WNT5A: variants seen among roughly 807,000 people sequenced by gnomAD.
WNT5A encodes the protein protein Wnt-5a.
In WNT5A, 9 loss-of-function variants were observed where a neutral mutation model predicts 42.1. The ratio of observed to expected loss-of-function variants is 0.21; its 90% CI spans 0.13 to 0.37. The LOEUF is 0.37. WNT5A is among the 10% of genes least tolerant of loss of function. The probability of loss-of-function intolerance (pLI) is 1.00; values close to 1 mark genes in which losing one functional copy is unlikely to be tolerated. For missense variants in WNT5A, 426 were observed against 534.0 expected (o/e 0.80, Z 1.99); for synonymous variants, 210 against 210.0 (o/e 1.00, Z 0.00).
chr3:55,486,947 A>G (rs775651399), intron 1 of WNT5A, 33 bp downstream of exon 1: 5 of 1,595,624 alleles, frequency 3.1e-6, no homozygotes, highest in Non-Finnish European at 4.3e-6. Context: ...GGGGGAAGTA[A>G]AGAAAAAAAG....
Position 55,480,882 on chromosome 3 carries a change from C to A in WNT5A, c.43G>T (p.Gly15Trp), listed in dbSNP as rs867828828. The A allele has an allele frequency of 1.3e-6, 2 of 1,588,124 alleles. No homozygotes were observed. Among genetic ancestry groups the A allele is most frequent in the Non-Finnish European group, 1.7e-6 (2 of 1,166,476 alleles). The change falls in exon 2 of 5, where the codon GGG becomes TGG. Residue 15 changes from glycine to tryptophan, a missense_variant. This residue lies in a region of WNT5A where 62 missense variants were observed against 49.0 expected (regional missense o/e 1.26). Coordinates refer to ENST00000264634, the MANE Select transcript of WNT5A (RefSeq NM_003392.7). ...GAAGACATTGCACTTCCAGCCATCCCCAAAGCAACTCCTGGGCTTAATATT... is the reference window on the plus strand; with the variant it reads ...GAAGACATTGCACTTCCAGCCATCCACAAAGCAACTCCTGGGCTTAATATT... Reference protein sequence around the residue: ...IGILSPGVALGMAGSAMSSKF... With the variant: ...IGILSPGVALWMAGSAMSSKF...
chr3:55,474,934 GGGGGGTA>G (rs971072477), intron 3 of WNT5A, among the ~76,000 whole-genome samples: 12 of 145,272 alleles, frequency 8.3e-5, no homozygotes, highest in African/African-American at 3.1e-4. Flanking sequence ...GTAGGAGATG[GGGGGGTA>G]GGGGGTAGGG....
chr3:55,478,624 A>C (rs2051399334), intron 3 of WNT5A, among the ~76,000 whole-genome samples: 1 of 152,156 alleles, frequency 6.6e-6, no homozygotes, highest in Non-Finnish European at 1.5e-5. Context: ...TGGGGAAGTA[A>C]GACATTCAAC....
At chr3:55,490,402 G>A (rs2051645984), upstream of WNT5A, 1 of 152,226 alleles carries the variant, frequency 6.6e-6, no homozygotes, top group Admixed American at 6.5e-5. Context: ...GTGGTTAAGA[G>A]TGCCAGCTGT....
At chr3:55,474,690 CGGGGGT>C in intron 3 of WNT5A, 61 bp from the exon 4 acceptor site, 1 of 214,204 alleles carries the variant, frequency 4.7e-6, no homozygotes. Context: ...GGGATGCTGC[CGGGGGT>C]GGGGGTGGGG....
Position 55,483,416 on chromosome 3 carries a change from C to T in WNT5A, c.7-2498G>A, listed in dbSNP as rs114806499. Among the ~76,000 whole-genome samples, 593 of 152,278 alleles carry T rather than the reference C, an allele frequency of 3.9e-3. 5 individuals carry two copies. The highest frequency in any genetic ancestry group is 0.014 in the African/African-American group (570 of 41,554). On this transcript the variant is annotated intron_variant, in intron 1 of 4. Coordinates refer to ENST00000264634, the MANE Select transcript of WNT5A (RefSeq NM_003392.7). This position sits in a 1 kb window ranked among gnomAD's most constrained non-coding sequence, Gnocchi z 4.2. ...AGAACTCACAGCGAACTCACACATACATCGGCTCTGTAGGGTAAAACATCC... is the reference window on the plus strand; with the variant it reads ...AGAACTCACAGCGAACTCACACATATATCGGCTCTGTAGGGTAAAACATCC...
At chr3:55,497,458 T>C in the WNT5A span, 2 of 152,350 alleles carry the variant, frequency 1.3e-5, no homozygotes, top group Non-Finnish European at 2.9e-5. Context: ...ATCCAACAGA[T>C]GAGGCACTTT....
Position 55,470,287 on chromosome 3 carries a change from G to A in WNT5A, c.948C>T (p.Gly316=). The change falls in exon 5 of 5, where the codon GGC becomes GGT. Residue 316 remains glycine (G), a synonymous_variant. Coordinates refer to ENST00000264634, the MANE Select transcript of WNT5A (RefSeq NM_003392.7). ...ACAGGCGGCCCTGCGTGCCCAGCGA[G>A]CCGGTGCTCTCATTGCGCACGCAGT... ...PDYCVRNEST[G]SLGTQGRLCN... 1 of 1,614,074 alleles carries A rather than the reference G, an allele frequency of 6.2e-7. No individual in the cohort carries two copies. The highest frequency in any genetic ancestry group is 8.5e-7 in the Non-Finnish European group (1 of 1,179,922).
At chr3:55,488,956 A>G (rs1239095799), upstream of WNT5A, among the ~76,000 whole-genome samples, 1 of 152,148 alleles carries the variant, frequency 6.6e-6, no homozygotes, top group African/African-American at 2.4e-5. Context: ...CCAGAGTAGT[A>G]GGGACTTGGG....
At chr3:55,481,885 A>G (rs2051472189) in intron 1 of WNT5A, among the ~76,000 whole-genome samples, 1 of 151,834 alleles carries the variant, frequency 6.6e-6, no homozygotes, top group South Asian at 2.1e-4. Context: ...CCAAATTCTG[A>G]TTTTTCACTC....
Sources: gnomAD v4.1 joint callset for allele counts (sites outside exome capture counted in the v4.1 genomes callset) on GRCh38, gnomAD v4.1.1 for gene constraint, gnomAD v4.1.1 regional missense constraint, Gnocchi (gnomAD v3.1) non-coding constraint, MANE v1.5 for transcripts, NCBI Gene and HGNC (gene_info 2026-07-23, HGNC 2026-07-21) for gene names.